The following ANKRD22 variants were observed in gnomAD, a reference collection of about 807,000 sequenced individuals.
The protein encoded by ANKRD22 is ankyrin repeat domain 22.
A neutral mutation model predicts 25.7 loss-of-function variants in ANKRD22; 24 were observed. The observed-to-expected ratio is 0.93, with a 90% CI of 0.68 to 1.31. The LOEUF is 1.31. ANKRD22 is among the 50% of genes most tolerant of loss of function. The probability of loss-of-function intolerance (pLI) is 0.00; values close to 1 mark genes in which losing one functional copy is unlikely to be tolerated. For synonymous variants in ANKRD22, 84 were observed against 84.3 expected (o/e 1.00, Z 0.02); for missense variants, 214 against 227.1 (o/e 0.94, Z 0.37).
intron 1 of ANKRD22, among the ~76,000 whole-genome samples, chr10:88,835,645 A>G (rs925164964): frequency 1.3e-5 from 2 of 152,210 alleles, no homozygotes; most frequent in Non-Finnish European, 2.9e-5. Context: ...ATAAAATGGT[A>G]CACCTGTATA....
At chr10:88,849,174 C>A (rs907623079) in intron 1 of ANKRD22, among the ~76,000 whole-genome samples, 1 of 152,098 alleles carries the variant, frequency 6.6e-6, no homozygotes, top group Admixed American at 6.6e-5. Flanking sequence ...GTAAAAGATT[C>A]TTTAAGTCTC....
intron 1 of ANKRD22, among the ~76,000 whole-genome samples, chr10:88,834,847 A>G (rs1268252996): frequency 6.6e-6 from 1 of 152,182 alleles, no homozygotes; most frequent in Non-Finnish European, 1.5e-5. Flanking sequence ...GGAGGCTGAG[A>G]CAGGAGAATC....
chr10:88,839,753 C>T (rs755858484), intron 1 of ANKRD22, among the ~76,000 whole-genome samples: 18 of 152,180 alleles, frequency 1.2e-4, no homozygotes, highest in Middle Eastern at 6.8e-3. Context: ...GGAAGTGAGG[C>T]TAGGAAAGGG....
intron 1 of ANKRD22, among the ~76,000 whole-genome samples, chr10:88,843,627 G>A (rs968763697): frequency 5.3e-5 from 8 of 152,086 alleles, no homozygotes; most frequent in African/African-American, 1.9e-4. Flanking sequence ...TAAGTTTTTG[G>A]TTATTACTAT....
Position 88,821,762 on chromosome 10 carries a change from A to G in ANKRD22, c.*1179T>C, listed in dbSNP as rs552987755. On this transcript the variant is annotated 3_prime_UTR_variant, in exon 6 of 6. Coordinates refer to ENST00000371930, the MANE Select transcript of ANKRD22 (RefSeq NM_144590.3). ...ATACTGTACTTGTTACCACATACAA[A>G]GAGGCTGGCTTAGTTCCTGTCTGCA... 6.6e-6 allele frequency among the ~76,000 whole-genome samples: 1 copy of G among 152,308 alleles called. No homozygotes were observed. Among genetic ancestry groups the G allele is most frequent in the East Asian group, 1.9e-4 (1 of 5,190 alleles).
intron 2 of ANKRD22, among the ~76,000 whole-genome samples, chr10:88,828,878 C>T (rs1843879973): frequency 6.6e-6 from 1 of 152,088 alleles, no homozygotes; most frequent in Admixed American, 6.6e-5. Flanking sequence ...GGGAAGGGCT[C>T]CTGGGAGTCA....
At chr10:88,830,029 T>A (rs970034880) in intron 2 of ANKRD22, among the ~76,000 whole-genome samples, 1 of 152,212 alleles carries the variant, frequency 6.6e-6, no homozygotes, top group Non-Finnish European at 1.5e-5. Context: ...TCTCAAACTA[T>A]CCTTCCACCT....
At position 88,851,835 on chromosome 10, in the gene ANKRD22, T is replaced by C. The variant is rs976407515; in HGVS notation, c.-228A>G. ...CAGCCCAATGAAACAAAGGCACTGGTGTCATGTGTAACGACCCAAGCCTGT... is the reference window on the plus strand; with the variant it reads ...CAGCCCAATGAAACAAAGGCACTGGCGTCATGTGTAACGACCCAAGCCTGT... On this transcript the variant is annotated 5_prime_UTR_variant, in exon 1 of 6. Coordinates refer to ENST00000371930, the MANE Select transcript of ANKRD22 (RefSeq NM_144590.3). 2.7e-5 allele frequency: 15 copies of C among 558,878 alleles called. No homozygotes were observed. Among genetic ancestry groups the C allele is most frequent in the African/African-American group, 1.7e-4 (9 of 53,050 alleles). The allele number at this position is 558,878 out of a possible 1,614,324, so 34.6% of individuals were successfully genotyped here. A position where few individuals can be genotyped will look rare whatever the true frequency, so the allele number is the denominator to read the frequency against.
intron 3 of ANKRD22, among the ~76,000 whole-genome samples, chr10:88,826,515 T>C (rs1843857863): frequency 6.6e-6 from 1 of 152,246 alleles, no homozygotes; most frequent in Non-Finnish European, 1.5e-5. Context: ...TGGCTCCACG[T>C]ATGGCCCTGC....
chr10:88,834,023 G>A (rs2133074959), intron 1 of ANKRD22, among the ~76,000 whole-genome samples: 1 of 152,280 alleles, frequency 6.6e-6, no homozygotes, highest in East Asian at 1.9e-4. Flanking sequence ...GTTCCCTTGG[G>A]TTTTCATATT....
rs189731876 is a variant in ANKRD22, at chr10:88,833,024, T to C, written c.22-998A>G. On this transcript the variant is annotated intron_variant, in intron 1 of 5. Transcript: ENST00000371930. ...AAGAAGTCTTTTCTTACTCCCAACA[T>C]TCAGTATCTCTCCCTCACAGCAACT... is the stretch of plus-strand genomic sequence containing the variant. Among the ~76,000 whole-genome samples, 15 of 152,338 alleles carry C rather than the reference T, an allele frequency of 9.8e-5. No homozygotes were observed. In the East Asian group the frequency reaches 2.5e-3, roughly 25 times the overall value.
chr10:88,828,789 T>C (rs752591251), intron 2 of ANKRD22, 123 bp from the exon 3 acceptor site: 2 of 665,438 alleles, frequency 3.0e-6, no homozygotes, highest in Non-Finnish European at 5.1e-6. Context: ...CATCTTTTCC[T>C]GTGGGATACA....
intron 1 of ANKRD22, among the ~76,000 whole-genome samples, chr10:88,839,108 G>C (rs1276583413): frequency 6.6e-6 from 1 of 152,058 alleles, no homozygotes; most frequent in Non-Finnish European, 1.5e-5. Context: ...GGCATTCCAG[G>C]TTCATTTCTG....
chr10:88,827,591 A>C (rs921256510), intron 3 of ANKRD22, among the ~76,000 whole-genome samples: 1 of 152,244 alleles, frequency 6.6e-6, no homozygotes, highest in African/African-American at 2.4e-5. Flanking sequence ...CTTCGAGGAT[A>C]TGAGCAGATT....
chr10:88,841,005 T>C (rs896826059), intron 1 of ANKRD22, among the ~76,000 whole-genome samples: 2 of 152,132 alleles, frequency 1.3e-5, no homozygotes, highest in Non-Finnish European at 2.9e-5. Context: ...TCATGAACGA[T>C]AGCAGAAGGG....
At chr10:88,832,062 C>G (rs1307935322) in intron 1 of ANKRD22, 36 bp from the exon 2 acceptor site, 1 of 1,562,192 alleles carries the variant, frequency 6.4e-7, no homozygotes, top group Non-Finnish European at 8.6e-7. Context: ...TTTTGAAATA[C>G]TGGCATAATT....
intron 4 of ANKRD22, 176 bp from the exon 5 acceptor site, chr10:88,823,554 G>A (rs944462455): frequency 5.4e-6 from 3 of 557,874 alleles, no homozygotes; most frequent in Non-Finnish European, 9.6e-6. Context: ...TTCGCCGGGC[G>A]CGGTGGCTCA....
At chr10:88,851,549 A>T (rs759133486) in intron 1 of ANKRD22, 38 bp downstream of exon 1, 18 of 1,610,954 alleles carry the variant, frequency 1.1e-5, no homozygotes, top group Non-Finnish European at 1.5e-5. Flanking sequence ...AGTAACTTTT[A>T]ACATCTTTGG....
chr10:88,835,087 A>G (rs1239189844), intron 1 of ANKRD22, among the ~76,000 whole-genome samples: 1 of 152,088 alleles, frequency 6.6e-6, no homozygotes, highest in Admixed American at 6.5e-5. Flanking sequence ...CTCTTCACTC[A>G]TCTATGTTAC....
Sources: allele counts gnomAD v4.1 joint callset (sites outside exome capture counted in the v4.1 genomes callset), GRCh38; gene constraint gnomAD v4.1.1; transcripts MANE v1.5; gene names NCBI Gene and HGNC (gene_info 2026-07-23, HGNC 2026-07-21).